The following ART4 variants were observed in gnomAD, a reference collection of about 807,000 sequenced individuals.
ART4 encodes the protein ADP-ribosyltransferase 4 (inactive) (Dombrock blood group).
A neutral mutation model predicts 24.2 loss-of-function variants in ART4; 14 were observed. The observed-to-expected ratio is 0.58, with a 90% CI of 0.38 to 0.90. ART4 has a LOEUF of 0.90. ART4 is among the 40% of genes least tolerant of loss of function. The probability of loss-of-function intolerance (pLI) is 0.00; values close to 1 mark genes in which losing one functional copy is unlikely to be tolerated. For missense variants in ART4, 356 were observed against 366.6 expected, an observed-to-expected ratio of 0.97 and a Z score of 0.24; for synonymous variants, 145 against 139.9, an observed-to-expected ratio of 1.04 and a Z score of -0.26.
chr12:14,828,676 T>C lies in ART4; in HGVS notation c.*695A>G, dbSNP rs976262654. 1 of 152,238 alleles carries C rather than the reference T, an allele frequency of 6.6e-6. No homozygotes were observed. Among genetic ancestry groups the C allele is most frequent in the East Asian group, 1.9e-4 (1 of 5,202 alleles). 9.4% of individuals were successfully genotyped at this position (152,238 alleles called of 1,614,324 possible). ...CGTTGGAACTTCAACTGCTTGATGC[T>C]TGACATAGAAAATCTAATTCAAATT... On this transcript the variant is annotated 3_prime_UTR_variant, in exon 3 of 3. Coordinates refer to ENST00000228936, the MANE Select transcript of ART4 (RefSeq NM_021071.4).
At chr12:14,830,649 GTATATATATATATATATATATATA>G (rs3084548) in intron 2 of ART4, among the ~76,000 whole-genome samples, 42 of 25,956 alleles carry the variant, frequency 1.6e-3, no homozygotes, top group Middle Eastern at 0.022. Flanking sequence ...CTGTATGTAT[GTATATATATATATATATATATATA>G]TATATATATA....
chr12:14,843,115 T>G lies in ART4; in HGVS notation c.-2A>C, dbSNP rs545684415. On this transcript the variant is annotated 5_prime_UTR_variant, in exon 1 of 3. Transcript: ENST00000228936. ...GCATCTGTTGATCAATGGACCCATT[T>G]GCTTGTGTCACAAGTACTTCTCCTT... is the stretch of plus-strand genomic sequence containing the variant. The G allele has an allele frequency of 4.3e-6, 7 of 1,614,052 alleles. No homozygotes were observed. Among genetic ancestry groups the G allele is most frequent in the Middle Eastern group, 1.7e-4 (1 of 6,060 alleles).
At chr12:14,829,546 T>A in intron 2 of ART4, 84 bp from the exon 3 acceptor site, 2 of 918,600 alleles carry the variant, frequency 2.2e-6, no homozygotes, top group Non-Finnish European at 3.3e-6. Context: ...TCCACTTACT[T>A]AACTTAGAAA....
At position 14,840,444 on chromosome 12, in the gene ART4, C is replaced by T. The variant is rs1950458990; in HGVS notation, c.853+1G>A. 6.3e-7 allele frequency: 1 copy of T among 1,599,546 alleles called. No homozygotes were observed. Among genetic ancestry groups the T allele is most frequent in the South Asian group, 1.1e-5 (1 of 88,258 alleles). The stretch of plus-strand genomic sequence containing the variant: ...GTGGCCTCAATTTAGATAAAGAATA[C>T]CTTTTAGCAGCTGACAGTTATATGT... On this transcript the variant is annotated splice_donor_variant, in intron 2 of 2. Coordinates refer to ENST00000228936, the MANE Select transcript of ART4 (RefSeq NM_021071.4). LOFTEE classifies it high-confidence loss of function.
Position 14,828,914 on chromosome 12 carries a change from T to C in ART4, c.*457A>G, listed in dbSNP as rs568635226. On this transcript the variant is annotated 3_prime_UTR_variant, in exon 3 of 3. Coordinates refer to ENST00000228936, the MANE Select transcript of ART4 (RefSeq NM_021071.4). ...ATCTTTGCTGGCAGCTATAAGCTCCTACCCTGCTTTCATTAATATCCATTC... is the reference window on the plus strand; with the variant it reads ...ATCTTTGCTGGCAGCTATAAGCTCCCACCCTGCTTTCATTAATATCCATTC... 8.5e-5 allele frequency: 13 copies of C among 152,880 alleles called. 1 individual carries two copies. The highest frequency in any genetic ancestry group is 3.1e-4 in the African/African-American group (13 of 41,576). 9.5% of individuals were successfully genotyped at this position (152,880 alleles called of 1,614,324 possible).
rs1275086859 is a variant in ART4, at chr12:14,829,119, A to C, written c.*252T>G. The C allele has an allele frequency of 2.0e-5, 6 of 293,610 alleles. No homozygotes were observed. Among genetic ancestry groups the C allele is most frequent in the Non-Finnish European group, 3.7e-5 (6 of 162,312 alleles). 18.2% of individuals were successfully genotyped at this position (293,610 alleles called of 1,614,324 possible). On this transcript the variant is annotated 3_prime_UTR_variant, in exon 3 of 3. Transcript: ENST00000228936. The stretch of plus-strand genomic sequence containing the variant: ...CCAATCACAGTCAGTGGGCTGAGCC[A>C]GCTCTGCATCAGTTGCTAGCTGGGC...
At chr12:14,834,270 C>A (rs913597738) in intron 2 of ART4, among the ~76,000 whole-genome samples, 1 of 152,136 alleles carries the variant, frequency 6.6e-6, no homozygotes, top group Non-Finnish European at 1.5e-5. Context: ...GACAGACACT[C>A]TACTTCAAGG....
Position 14,843,354 on chromosome 12 carries a change from G to A in ART4, c.-241C>T. ...AGCCAGATGCGCACACCAAATAAGG[G>A]TTTCTAAAGAGAACCCAAGTTACTT... On this transcript the variant is annotated 5_prime_UTR_variant, in exon 1 of 3. Coordinates refer to ENST00000228936, the MANE Select transcript of ART4 (RefSeq NM_021071.4). 1 of 404,294 alleles carries A rather than the reference G, an allele frequency of 2.5e-6. No homozygotes were observed. The highest frequency in any genetic ancestry group is 4.5e-6 in the Non-Finnish European group (1 of 221,198). 25.0% of individuals were successfully genotyped at this position (404,294 alleles called of 1,614,324 possible). A position where few individuals can be genotyped will look rare whatever the true frequency, so the allele number is the denominator to read the frequency against.
At chr12:14,835,877 A>G (rs140783816) in intron 2 of ART4, among the ~76,000 whole-genome samples, 1 of 152,250 alleles carries the variant, frequency 6.6e-6, no homozygotes, top group African/African-American at 2.4e-5. Flanking sequence ...TGCTGAGATT[A>G]TAGGTGTGAG....
At chr12:14,830,649 GTATATATATA>G (rs3084548) in intron 2 of ART4, among the ~76,000 whole-genome samples, 698 of 25,928 alleles carry the variant, frequency 0.027, 14 homozygotes, top group African/African-American at 0.029. Context: ...CTGTATGTAT[GTATATATATA>G]TATATATATA....
Position 14,840,593 on chromosome 12 carries a change from A to T in ART4, c.705T>A (p.Pro235=). 3.7e-6 allele frequency: 6 copies of T among 1,614,196 alleles called. No homozygotes were observed. The highest frequency in any genetic ancestry group is 5.1e-6 in the Non-Finnish European group (6 of 1,180,024). ...CCTTCTTGAGGGAGAAGTACTGTAC[A>T]GGTGCACCCAGGCAGGTGAATATGG... ...LFTIFTCLGA[P]VQYFSLKKEV... Residue 235 remains proline (P), a synonymous_variant, in exon 2 of 3, where the codon CCT becomes CCA. Coordinates refer to ENST00000228936, the MANE Select transcript of ART4 (RefSeq NM_021071.4).
In ART4 at chr12:14,843,416, A is replaced by C. The variant is rs1863088778; in HGVS notation, c.-303T>G. On this transcript the variant is annotated 5_prime_UTR_variant, in exon 1 of 3. Transcript: ENST00000228936. Reference sequence around the variant, plus strand: ...AAATAAAATCTCTGATCTAGTCTGTATTCAGGGGAATGCCGAAGTCCTGTT... The same window carrying C: ...AAATAAAATCTCTGATCTAGTCTGTCTTCAGGGGAATGCCGAAGTCCTGTT... 3 of 237,816 alleles carry C rather than the reference A, an allele frequency of 1.3e-5. No homozygotes were observed. The South Asian group carries it at 1.7e-4, about 13-fold the overall frequency. 14.7% of individuals were successfully genotyped at this position (237,816 alleles called of 1,614,324 possible).
intron 2 of ART4, among the ~76,000 whole-genome samples, chr12:14,837,686 G>C (rs1950440153): frequency 6.6e-6 from 1 of 151,912 alleles, no homozygotes; most frequent in African/African-American, 2.4e-5. Context: ...GCTACTTTTT[G>C]TATCTTTTTG....
intron 2 of ART4, among the ~76,000 whole-genome samples, chr12:14,836,413 A>G (rs1950431349): frequency 6.6e-6 from 1 of 152,126 alleles, no homozygotes; most frequent in Non-Finnish European, 1.5e-5. Flanking sequence ...AGTGACTCAC[A>G]GTGTAGACTG....
chr12:14,830,664 T>C (rs1397472282), intron 2 of ART4, among the ~76,000 whole-genome samples: 5 of 86,990 alleles, frequency 5.7e-5, no homozygotes, highest in Non-Finnish European at 1.1e-4. Flanking sequence ...TATATATATA[T>C]ATATATATAT....
Position 14,843,100 on chromosome 12 carries a change from A to G in ART4, c.14T>C (p.Ile5Thr), listed in dbSNP as rs189331309. 1.5e-5 allele frequency: 24 copies of G among 1,614,152 alleles called. No individual in the cohort carries two copies. The African/African-American group carries it at 2.8e-4, about 19-fold the overall frequency. ...GAGAAGAATCTTCTTGCATCTGTTG[A>G]TCAATGGACCCATTTGCTTGTGTCA... MGPLINRCKKILLPT... is the reference protein window; with the variant it reads MGPLTNRCKKILLPT... Residue 5 changes from isoleucine to threonine, a missense_variant, in exon 1 of 3, where the codon ATC (isoleucine) becomes ACC (threonine). By Grantham distance (89) the Ile-to-Thr change is moderately conservative (BLOSUM62 -1). Coordinates refer to ENST00000228936, the MANE Select transcript of ART4 (RefSeq NM_021071.4).
In ART4 at chr12:14,828,125, A is replaced by G. The variant is rs1033644263; in HGVS notation, c.*1246T>C. On this transcript the variant is annotated 3_prime_UTR_variant, in exon 3 of 3. Transcript: ENST00000228936. The stretch of plus-strand genomic sequence containing the variant: ...CGTTAGAGGACATTTCCAGCTATAC[A>G]ATTCAACAATTTATACTTCTTTGCA... 2 of 152,198 alleles carry G rather than the reference A, an allele frequency of 1.3e-5. No homozygotes were observed. Among genetic ancestry groups the G allele is most frequent in the East Asian group, 3.9e-4 (2 of 5,188 alleles). The allele number at this position is 152,198 out of a possible 1,614,324, so 9.4% of individuals were successfully genotyped here.
intron 2 of ART4, among the ~76,000 whole-genome samples, chr12:14,831,238 A>G (rs1379863203): frequency 6.8e-6 from 1 of 147,456 alleles, no homozygotes; most frequent in African/African-American, 2.5e-5. Flanking sequence ...AACTCTATCA[A>G]TTTTCTCCTC....
chr12:14,829,532 T>G, intron 2 of ART4, 70 bp from the exon 3 acceptor site: 1 of 1,031,374 alleles, frequency 9.7e-7, no homozygotes, highest in Non-Finnish European at 1.5e-6. Flanking sequence ...CATCTATCCA[T>G]TGATCCACTT....
Sources: gnomAD v4.1 joint callset for allele counts (sites outside exome capture counted in the v4.1 genomes callset) on GRCh38, gnomAD v4.1.1 for gene constraint, MANE v1.5 for transcripts, NCBI Gene and HGNC (gene_info 2026-07-23, HGNC 2026-07-21) for gene names.